The following RABL3 variants were observed in gnomAD, a reference collection of about 807,000 sequenced individuals.
The protein encoded by RABL3 is rab-like protein 3.
Under a neutral mutation model 31.8 loss-of-function variants are expected in RABL3, and 31 were observed. The ratio of observed to expected loss-of-function variants is 0.97; its 90% CI spans 0.73 to 1.31. The LOEUF (loss-of-function observed/expected upper bound fraction) is 1.31. RABL3 is among the 40% of genes most tolerant of loss of function. The pLI is 0.00. For missense variants in RABL3, 263 were observed against 279.6 expected, an observed-to-expected ratio of 0.94 and a Z score of 0.42; for synonymous variants, 97 against 99.9, an observed-to-expected ratio of 0.97 and a Z score of 0.18.
At chr3:120,738,291 C>A (rs375940893) in intron 1 of RABL3, among the ~76,000 whole-genome samples, 1 of 152,350 alleles carries the variant, frequency 6.6e-6, no homozygotes, top group South Asian at 2.1e-4. Context: ...GGGTGTGGCA[C>A]CCTCTGAGCC....
intron 2 of RABL3, among the ~76,000 whole-genome samples, chr3:120,729,397 T>C (rs1708857518): frequency 6.6e-6 from 1 of 152,142 alleles, no homozygotes; most frequent in Non-Finnish European, 1.5e-5. Flanking sequence ...AAAATCCTGT[T>C]GAAGATGTGA....
chr3:120,730,554 A>G, intron 2 of RABL3, 142 bp downstream of exon 2: 1 of 595,170 alleles, frequency 1.7e-6, no homozygotes, highest in South Asian at 2.2e-5. Flanking sequence ...AGCAACTGGC[A>G]TAGTACCTGG....
chr3:120,739,995 T>G (rs1040603061), intron 1 of RABL3, among the ~76,000 whole-genome samples: 1 of 152,242 alleles, frequency 6.6e-6, no homozygotes, highest in African/African-American at 2.4e-5. Flanking sequence ...TTCATTTCTT[T>G]AAGAATTTTG....
intron 1 of RABL3, among the ~76,000 whole-genome samples, chr3:120,732,605 G>A (rs1463717083): frequency 6.6e-6 from 1 of 151,784 alleles, no homozygotes; most frequent in Non-Finnish European, 1.5e-5. Flanking sequence ...GGGTACATGT[G>A]CACAATGTGC....
chr3:120,731,350 A>G (rs16831579), intron 1 of RABL3, among the ~76,000 whole-genome samples: 2,654 of 152,252 alleles, frequency 0.017, 85 homozygotes, highest in African/African-American at 0.061. Flanking sequence ...CTAAATTTAG[A>G]CACTCCAGTT....
intron 1 of RABL3, among the ~76,000 whole-genome samples, chr3:120,734,577 T>G (rs1436060143): frequency 1.3e-5 from 2 of 152,178 alleles, no homozygotes; most frequent in African/African-American, 4.8e-5. Flanking sequence ...CTTCCAACAC[T>G]ATGTTGAATA....
rs1708323659 is a variant in RABL3 at position 120,687,408 on chromosome 3, A to G, written c.*2415T>C. On this transcript the variant is annotated 3_prime_UTR_variant, in exon 8 of 8. Transcript: ENST00000273375. ...AGTGATCCTCCTGCCTCAGTCTCCTAGAGTGCTGGGATTATAGGCGTGAGC... is the reference window on the plus strand; with the variant it reads ...AGTGATCCTCCTGCCTCAGTCTCCTGGAGTGCTGGGATTATAGGCGTGAGC... 6.6e-6 allele frequency: 1 copy of G among 152,190 alleles called. No individual in the cohort carries two copies. Among genetic ancestry groups the G allele is most frequent in the Non-Finnish European group, 1.5e-5 (1 of 68,030 alleles). 9.4% of individuals were successfully genotyped at this position (152,190 alleles called of 1,614,324 possible).
In RABL3 at chr3:120,685,074, T is replaced by C. The variant is rs1162174296; in HGVS notation, c.*4749A>G. ...GAGCCCAGGGATCTAGGGGAAGCAC[T>C]AGTGGGCACGTAGCCCAGACGAGCA... On this transcript the variant is annotated 3_prime_UTR_variant, in exon 8 of 8. Transcript: ENST00000273375. 6.6e-6 allele frequency among the ~76,000 whole-genome samples: 1 copy of C among 152,218 alleles called. No homozygotes were observed. Among genetic ancestry groups the C allele is most frequent in the Non-Finnish European group, 1.5e-5 (1 of 68,032 alleles).
chr3:120,694,867 G>T (rs948900757), intron 5 of RABL3, among the ~76,000 whole-genome samples: 6 of 151,680 alleles, frequency 4.0e-5, no homozygotes, highest in African/African-American at 1.5e-4. Context: ...AAAAAAAATG[G>T]GCCCAGAAGG....
chr3:120,690,991 A>C (rs368159675), intron 6 of RABL3, among the ~76,000 whole-genome samples: 2 of 152,316 alleles, frequency 1.3e-5, no homozygotes, highest in East Asian at 1.9e-4. Flanking sequence ...CACAACATCA[A>C]AAGCAGTCTA....
intron 2 of RABL3, among the ~76,000 whole-genome samples, chr3:120,711,566 AC>A (rs1252032059): frequency 6.6e-6 from 1 of 151,250 alleles, no homozygotes; most frequent in East Asian, 1.9e-4. Flanking sequence ...TTTGCTCAAA[AC>A]CCTCCAATGA....
chr3:120,736,729 T>G (rs1708971275), intron 1 of RABL3, among the ~76,000 whole-genome samples: 1 of 152,216 alleles, frequency 6.6e-6, no homozygotes. Context: ...GCAGGCCTGG[T>G]GGTGACAAAA....
chr3:120,701,892 T>C (rs1396073312), intron 4 of RABL3, among the ~76,000 whole-genome samples: 1 of 152,148 alleles, frequency 6.6e-6, no homozygotes, highest in Non-Finnish European at 1.5e-5. Context: ...ACAGGATACA[T>C]GAAGTGGCTA....
chr3:120,710,336 A>T (rs1708599712), intron 2 of RABL3: 1 of 153,558 alleles, frequency 6.5e-6, no homozygotes, highest in Non-Finnish European at 1.5e-5. Context: ...TCTAAATTTA[A>T]GTGTACCTTT....
intron 7 of RABL3, 62 bp downstream of exon 7, chr3:120,690,387 T>A: frequency 2.4e-6 from 3 of 1,255,954 alleles, no homozygotes; most frequent in Non-Finnish European, 3.5e-6. Context: ...CTTCTGAACT[T>A]AAATTTGGAA....
At position 120,734,415 on chromosome 3, in the gene RABL3, G is replaced by A. The variant is rs563154677; in HGVS notation, c.47-3628C>T. Among the ~76,000 whole-genome samples the A allele has an allele frequency of 7.9e-4, 121 of 152,346 alleles. 1 individual carries two copies. Among genetic ancestry groups the A allele is most frequent in the African/African-American group, 2.8e-3 (117 of 41,574 alleles). On this transcript the variant is annotated intron_variant, in intron 1 of 7. Coordinates refer to ENST00000273375, the MANE Select transcript of RABL3 (RefSeq NM_173825.5). Reference sequence around the variant, plus strand: ...TTTTGTATCCTGAGACTTTGCTGAAGTAGCTTATCAGCTTACGGAGATTTT... The same window carrying A: ...TTTTGTATCCTGAGACTTTGCTGAAATAGCTTATCAGCTTACGGAGATTTT...
intron 1 of RABL3, among the ~76,000 whole-genome samples, chr3:120,734,772 A>T (rs1167249884): frequency 6.6e-6 from 1 of 152,216 alleles, no homozygotes; most frequent in East Asian, 1.9e-4. Context: ...GAATTTTGTC[A>T]AAGACCTTTT....
At chr3:120,723,782 A>T (rs1040083589) in intron 2 of RABL3, among the ~76,000 whole-genome samples, 1 of 152,182 alleles carries the variant, frequency 6.6e-6, no homozygotes, top group Non-Finnish European at 1.5e-5. Flanking sequence ...TAAATTAGGT[A>T]TTGATGGGAC....
chr3:120,694,077 T>C, intron 6 of RABL3, 76 bp downstream of exon 6: 1 of 888,326 alleles, frequency 1.1e-6, no homozygotes, highest in Non-Finnish European at 1.8e-6. Context: ...ATAAAGGTCA[T>C]AGGATTCTAC....
Sources: gnomAD v4.1 joint callset for allele counts (sites outside exome capture counted in the v4.1 genomes callset) on GRCh38, gnomAD v4.1.1 for gene constraint, MANE v1.5 for transcripts, NCBI Gene and HGNC (gene_info 2026-07-23, HGNC 2026-07-21) for gene names.